ITGA9: variants seen among roughly 807,000 people sequenced by gnomAD.
ITGA9 encodes the protein integrin subunit alpha 9.
ITGA9 carries 56 observed loss-of-function variants against 127.8 expected under a neutral mutation model. The observed-to-expected ratio is 0.44, with a 90% CI of 0.35 to 0.55. The LOEUF is 0.55. ITGA9 is among the 20% of genes least tolerant of loss of function. ITGA9 has a pLI of 0.00. For synonymous variants in ITGA9, 508 were observed against 514.5 expected (o/e 0.99, Z 0.17); for missense variants, 1,196 against 1,347.1 (o/e 0.89, Z 1.76).
chr3:37,511,075 G>A (rs1276233189), intron 8 of ITGA9, among the ~76,000 whole-genome samples: 2 of 152,150 alleles, frequency 1.3e-5, no homozygotes, highest in African/African-American at 4.8e-5. Flanking sequence ...ACATAGACAG[G>A]AGGGTTCTAA....
intron 18 of ITGA9, among the ~76,000 whole-genome samples, chr3:37,725,530 G>A (rs1696178874): frequency 3.3e-5 from 5 of 152,188 alleles, no homozygotes; most frequent in Admixed American, 3.3e-4. Context: ...AACATGCAGA[G>A]GAGCTTTGGG....
chr3:37,796,889 A>G (rs1416452226), intron 26 of ITGA9, among the ~76,000 whole-genome samples: 1 of 152,192 alleles, frequency 6.6e-6, no homozygotes, highest in South Asian at 2.1e-4. Flanking sequence ...GTAGACAGGA[A>G]GATTTATCAT....
Position 37,624,767 on chromosome 3 carries a change from C to T in ITGA9, c.1690-4420C>T, listed in dbSNP as rs766435304. Among the ~76,000 whole-genome samples, 8 of 151,962 alleles carry T rather than the reference C, an allele frequency of 5.3e-5. No homozygotes were observed. The South Asian group carries it at 6.3e-4, about 12-fold the overall frequency. ...GATTATAGGCGTGCTCCACCACGCC[C>T]GGCTAATTTTTGTATTTTTAGTAGA... On this transcript the variant is annotated intron_variant, in intron 15 of 27. Transcript: ENST00000264741.
At chr3:37,692,443 G>A (rs557211496) in intron 18 of ITGA9, among the ~76,000 whole-genome samples, 2 of 150,906 alleles carry the variant, frequency 1.3e-5, no homozygotes, top group Non-Finnish European at 2.9e-5. Flanking sequence ...GTGTGTGTGT[G>A]TCTACATACT....
intron 14 of ITGA9, among the ~76,000 whole-genome samples, chr3:37,539,967 T>G (rs971834408): frequency 6.6e-6 from 1 of 152,276 alleles, no homozygotes; most frequent in African/African-American, 2.4e-5. Flanking sequence ...GCCAGGCACA[T>G]GGACAGAGCC....
At chr3:37,727,609 A>G (rs1696228790) in intron 18 of ITGA9, among the ~76,000 whole-genome samples, 1 of 152,224 alleles carries the variant, frequency 6.6e-6, no homozygotes, top group Non-Finnish European at 1.5e-5. Flanking sequence ...CTTTAAAATA[A>G]CAGTGCCCTA....
rs1049098961 is a variant in ITGA9, at chr3:37,792,864, C to T, written c.2889+7786C>T. Among the ~76,000 whole-genome samples the T allele has an allele frequency of 3.9e-5, 6 of 152,170 alleles. No individual in the cohort carries two copies. In the South Asian group the frequency reaches 1.0e-3, roughly 26 times the overall value. On this transcript the variant is annotated intron_variant, in intron 26 of 27. Transcript: ENST00000264741. ...CAGTATGTCTATGTCAGTGAAGGTGCGGTGACCGGTGCCACTCACACGTAA... is the reference window on the plus strand; with the variant it reads ...CAGTATGTCTATGTCAGTGAAGGTGTGGTGACCGGTGCCACTCACACGTAA...
chr3:37,592,666 G>A (rs1431272991), intron 15 of ITGA9, among the ~76,000 whole-genome samples: 1 of 152,166 alleles, frequency 6.6e-6, no homozygotes, highest in African/African-American at 2.4e-5. Flanking sequence ...AGTCAGCAGG[G>A]TGGATTGAGA....
At chr3:37,544,869 GATACTTTATAGCC>G (rs1206277545) in intron 15 of ITGA9, among the ~76,000 whole-genome samples, 3 of 152,254 alleles carry the variant, frequency 2.0e-5, no homozygotes, top group Non-Finnish European at 4.4e-5. Flanking sequence ...CAAGGTGGCT[GATACTTTATAGCC>G]ATACTTTATA....
chr3:37,518,771 C>CTTTTTTTTT lies in ITGA9; in HGVS notation c.1142-466_1142-458dup, dbSNP rs543297344. ...GTCAGCTTCTATAGTTTTCACTGTA[C>CTTTTTTTTT]TTTTTTTTTTTTTTTTTTTTTTTTT... is the stretch of plus-strand genomic sequence containing the variant. On this transcript the variant is annotated intron_variant, in intron 10 of 27. Transcript: ENST00000264741. 1.1e-3 allele frequency among the ~76,000 whole-genome samples: 50 copies of CTTTTTTTTT among 43,514 alleles called. 12 individuals are homozygous for CTTTTTTTTT. Among genetic ancestry groups the CTTTTTTTTT allele is most frequent in the African/African-American group, 3.5e-3 (38 of 10,722 alleles). 28.5% of individuals were successfully genotyped at this position (43,514 alleles called of 152,430 possible).
intron 23 of ITGA9, among the ~76,000 whole-genome samples, chr3:37,760,148 A>G (rs1696706119): frequency 6.6e-6 from 1 of 152,048 alleles, no homozygotes; most frequent in African/African-American, 2.4e-5. Flanking sequence ...CTGTAATCTC[A>G]GCTACTCAGG....
At position 37,743,931 on chromosome 3, in the gene ITGA9, T is replaced by C. The variant is rs761478548; in HGVS notation, c.2330T>C (p.Met777Thr). The change falls in exon 22 of 28, where the codon ATG becomes ACG. Residue 777 changes from methionine to threonine, a missense_variant. By Grantham distance (81) the Met-to-Thr change is moderately conservative. Coordinates refer to ENST00000264741, the MANE Select transcript of ITGA9 (RefSeq NM_002207.3). ...HEVDTSITGI[M>T]SPTSFVYGES... ...TTCATGCTTTCCTCTTTCAGAATCA[T>C]GTCTCCAACCTCCTTTGTATATGGC... The C allele has an allele frequency of 2.5e-6, 4 of 1,611,358 alleles. No homozygotes were observed. The South Asian group carries it at 3.3e-5, about 13-fold the overall frequency.
intron 18 of ITGA9, among the ~76,000 whole-genome samples, chr3:37,713,176 A>C (rs1040902709): frequency 6.6e-6 from 1 of 152,170 alleles, no homozygotes; most frequent in Non-Finnish European, 1.5e-5. Flanking sequence ...TGGCTCGCTG[A>C]TGGGAGACAG....
intron 15 of ITGA9, among the ~76,000 whole-genome samples, chr3:37,619,536 A>AG (rs1458367192): frequency 2.6e-5 from 4 of 152,198 alleles, no homozygotes; most frequent in African/African-American, 7.2e-5. Context: ...CCCAGCAGCA[A>AG]GGGGGATGGG....
intron 11 of ITGA9, among the ~76,000 whole-genome samples, chr3:37,520,597 A>G (rs1398310604): frequency 6.6e-6 from 1 of 152,216 alleles, no homozygotes; most frequent in Admixed American, 6.5e-5. Flanking sequence ...GCCATGAGGC[A>G]TACATAGTCT....
rs79001551 is a variant in ITGA9, at chr3:37,771,061, A to G, written c.2542-6331A>G. ...TCCTTTTGTTCAAATTCTAATAGCC[A>G]TGGACCTCTGCCAGCTCCCAGAGGC... On this transcript the variant is annotated intron_variant, in intron 23 of 27. Coordinates refer to ENST00000264741, the MANE Select transcript of ITGA9 (RefSeq NM_002207.3). 5.5e-3 allele frequency among the ~76,000 whole-genome samples: 840 copies of G among 152,232 alleles called. 6 individuals are homozygous for G. Among genetic ancestry groups the G allele is most frequent in the Middle Eastern group, 0.031 (9 of 294 alleles).
chr3:37,740,604 G>A (rs548274521), intron 20 of ITGA9, among the ~76,000 whole-genome samples: 1 of 152,246 alleles, frequency 6.6e-6, no homozygotes, highest in African/African-American at 2.4e-5. Flanking sequence ...GTTTGCAGGG[G>A]GGCCTTGGGC....
At chr3:37,708,893 T>C (rs1701044629) in intron 18 of ITGA9, among the ~76,000 whole-genome samples, 1 of 151,978 alleles carries the variant, frequency 6.6e-6, no homozygotes, top group South Asian at 2.1e-4. Context: ...GTTTAAGTTT[T>C]AGCTTGTCTA....
At chr3:37,676,144 A>G (rs1021411285) in intron 17 of ITGA9, among the ~76,000 whole-genome samples, 5 of 152,252 alleles carry the variant, frequency 3.3e-5, no homozygotes, top group Admixed American at 6.5e-5. Context: ...TTTATCACAA[A>G]TCAACCATAT....
Sources: allele counts gnomAD v4.1 joint callset (sites outside exome capture counted in the v4.1 genomes callset), GRCh38; gene constraint gnomAD v4.1.1; transcripts MANE v1.5; gene names NCBI Gene and HGNC (gene_info 2026-07-23, HGNC 2026-07-21).